Variants in DESI1 observed in about 807,000 individuals in gnomAD.
The protein encoded by DESI1 is desumoylating isopeptidase 1, also known as PPPDE peptidase domain containing 2.
Under a neutral mutation model 22.4 loss-of-function variants are expected in DESI1, and 17 were observed. The observed-to-expected ratio is 0.76, with a 90% CI of 0.52 to 1.14. The LOEUF (loss-of-function observed/expected upper bound fraction) is 1.14. DESI1 is among the 50% of genes most tolerant of loss of function. DESI1 has a pLI of 0.00. For missense variants in DESI1, 177 were observed against 208.9 expected (o/e 0.85, Z 0.94); for synonymous variants, 92 against 84.2 (o/e 1.09, Z -0.51).
At chr22:41,602,548 T>C (rs1471762390) in intron 5 of DESI1, 13 of 985,364 alleles carry the variant, frequency 1.3e-5, no homozygotes, top group Non-Finnish European at 1.6e-5. Context: ...AATAAGGCCA[T>C]AGTTCAGGAG....
rs1213241094 is a variant in DESI1, at chr22:41,603,390, T to C, written c.291-9A>G. 5 of 1,614,062 alleles carry C rather than the reference T, an allele frequency of 3.1e-6. No homozygotes were observed. The highest frequency in any genetic ancestry group is 1.3e-5 in the African/African-American group (1 of 74,928). On this transcript the variant is annotated splice_polypyrimidine_tract_variant and intron_variant, in intron 4 of 5. Coordinates refer to ENST00000263256, the MANE Select transcript of DESI1 (RefSeq NM_015704.3). ...GGTTGTAGGCCTCACCTCTGTACAT[T>C]GAAAGGTTTGCAGAACATATATGAG...
intron 1 of DESI1, among the ~76,000 whole-genome samples, chr22:41,615,073 C>T (rs1349144964): frequency 6.8e-6 from 1 of 146,974 alleles, no homozygotes; most frequent in African/African-American, 2.5e-5. Flanking sequence ...CTGAGGCGGG[C>T]GGATCACGAG....
intron 1 of DESI1, among the ~76,000 whole-genome samples, chr22:41,616,280 C>T (rs906953427): frequency 1.3e-5 from 2 of 152,128 alleles, no homozygotes; most frequent in African/African-American, 4.8e-5. Context: ...GAGTTCACGT[C>T]ATATCTTTTA....
chr22:41,602,867 C>T (rs1246791929), intron 5 of DESI1: 5 of 963,820 alleles, frequency 5.2e-6, no homozygotes, highest in South Asian at 5.2e-5. Flanking sequence ...TCAACAGCTA[C>T]AAAACAAGCC....
chr22:41,608,947 CCTTT>C (rs1276357878), intron 1 of DESI1, among the ~76,000 whole-genome samples: 1 of 152,058 alleles, frequency 6.6e-6, no homozygotes, highest in Non-Finnish European at 1.5e-5. Context: ...TTGCCCTGTG[CCTTT>C]CTTTTTTTTA....
Position 41,599,194 on chromosome 22 carries a change from C to CA in DESI1, c.*1902dup, listed in dbSNP as rs1601506057. 1.3e-5 allele frequency: 2 copies of CA among 149,708 alleles called. No individual in the cohort carries two copies. Among genetic ancestry groups the CA allele is most frequent in the East Asian group, 3.9e-4 (2 of 5,108 alleles). 9.3% of individuals were successfully genotyped at this position (149,708 alleles called of 1,614,324 possible). ...AGGCCAGACTTCCAGGAAGAAGCAA[C>CA]ATAATTCAAGTCCGTGAAGTGGCAA... On this transcript the variant is annotated 3_prime_UTR_variant, in exon 6 of 6. Transcript: ENST00000263256.
At chr22:41,619,058 C>T (rs566743644) in intron 1 of DESI1, among the ~76,000 whole-genome samples, 1 of 150,530 alleles carries the variant, frequency 6.6e-6, no homozygotes, top group African/African-American at 2.4e-5. Context: ...AGCGAGACTC[C>T]GTCTCAAAAA....
At position 41,603,242 on chromosome 22, in the gene DESI1, A is replaced by C; in HGVS notation, c.413+17T>G. ...AAGGTTGGCCAAGGCAGGGGCAGGG[A>C]CAGAGGCCACACTTACGTGGAGAGA... is the stretch of plus-strand genomic sequence containing the variant. On this transcript the variant is annotated intron_variant, in intron 5 of 5. Coordinates refer to ENST00000263256, the MANE Select transcript of DESI1 (RefSeq NM_015704.3). The C allele has an allele frequency of 6.2e-7, 1 of 1,614,060 alleles. No individual in the cohort carries two copies. The highest frequency in any genetic ancestry group is 8.5e-7 in the Non-Finnish European group (1 of 1,179,972).
chr22:41,620,972 G>C lies in DESI1; in HGVS notation c.-133C>G. 1 of 938,490 alleles carries C rather than the reference G, an allele frequency of 1.1e-6. No homozygotes were observed. The highest frequency in any genetic ancestry group is 2.6e-4 in the Middle Eastern group (1 of 3,902). 58.1% of individuals were successfully genotyped at this position (938,490 alleles called of 1,614,324 possible). On this transcript the variant is annotated 5_prime_UTR_variant, in exon 1 of 6. Coordinates refer to ENST00000263256, the MANE Select transcript of DESI1 (RefSeq NM_015704.3). Reference sequence around the variant, plus strand: ...GCCCGGGCCCGGGCTGAGGGGTGGGGGAGAGGCCGCCCTGCGCTGCTCGCG... The same window carrying C: ...GCCCGGGCCCGGGCTGAGGGGTGGGCGAGAGGCCGCCCTGCGCTGCTCGCG...
intron 3 of DESI1, 53 bp downstream of exon 3, chr22:41,607,209 G>C: frequency 6.7e-7 from 1 of 1,490,556 alleles, no homozygotes; most frequent in South Asian, 1.3e-5. Flanking sequence ...CTGGTCTACA[G>C]GAGCCCCCAG....
intron 1 of DESI1, among the ~76,000 whole-genome samples, chr22:41,618,548 C>T (rs1178970787): frequency 2.6e-5 from 4 of 152,116 alleles, no homozygotes; most frequent in African/African-American, 4.8e-5. Context: ...TACCTTAACA[C>T]GTTGACTAGC....
intron 1 of DESI1, among the ~76,000 whole-genome samples, chr22:41,617,356 C>T (rs1348082000): frequency 6.6e-5 from 10 of 151,950 alleles, no homozygotes; most frequent in Admixed American, 3.9e-4. Context: ...TTATAATGCA[C>T]GCAAAGTACT....
In DESI1 at chr22:41,620,846, C is replaced by T. The variant is rs752117830; in HGVS notation, c.-7G>A. 15 of 1,604,248 alleles carry T rather than the reference C, an allele frequency of 9.4e-6. No individual in the cohort carries two copies. In the African/African-American group the frequency reaches 2.0e-4, roughly 21 times the overall value. ...AGAGATTCGGCGGCTCCATTGGGAC[C>T]CGTGGCGACGGCGGCCACGACGGCC... On this transcript the variant is annotated 5_prime_UTR_variant, in exon 1 of 6. Transcript: ENST00000263256.
At chr22:41,604,228 G>A in intron 3 of DESI1, 75 bp from the exon 4 acceptor site, 1 of 854,890 alleles carries the variant, frequency 1.2e-6, no homozygotes, top group South Asian at 1.5e-5. Context: ...TCCCACAGTA[G>A]ACCACAAACA....
Position 41,620,987 on chromosome 22 carries a change from C to A in DESI1, c.-148G>T. On this transcript the variant is annotated 5_prime_UTR_variant, in exon 1 of 6. Transcript: ENST00000263256. ...GAGGGGTGGGGGAGAGGCCGCCCTGCGCTGCTCGCGCCCCCACACCCGCTA... is the reference window on the plus strand; with the variant it reads ...GAGGGGTGGGGGAGAGGCCGCCCTGAGCTGCTCGCGCCCCCACACCCGCTA... 2 of 794,656 alleles carry A rather than the reference C, an allele frequency of 2.5e-6. No homozygotes were observed. The highest frequency in any genetic ancestry group is 1.8e-5 in the South Asian group (1 of 54,094). 49.2% of individuals were successfully genotyped at this position (794,656 alleles called of 1,614,324 possible).
chr22:41,601,071 A>G lies in DESI1; in HGVS notation c.*26T>C. 6.3e-7 allele frequency: 1 copy of G among 1,586,208 alleles called. No individual in the cohort carries two copies. Among genetic ancestry groups the G allele is most frequent in the Non-Finnish European group, 8.6e-7 (1 of 1,156,534 alleles). ...TGTTTAAAAAGGAAAAGCCCTGGTGAGGCAGGGCGGTCCCAGGCAGTCCTG... is the reference window on the plus strand; with the variant it reads ...TGTTTAAAAAGGAAAAGCCCTGGTGGGGCAGGGCGGTCCCAGGCAGTCCTG... On this transcript the variant is annotated 3_prime_UTR_variant, in exon 6 of 6. Transcript: ENST00000263256.
intron 1 of DESI1, among the ~76,000 whole-genome samples, chr22:41,619,238 G>A (rs1421888305): frequency 2.0e-5 from 3 of 152,176 alleles, no homozygotes; most frequent in Non-Finnish European, 4.4e-5. Context: ...AGAATTAGCT[G>A]ATAAGCTCAT....
intron 1 of DESI1, among the ~76,000 whole-genome samples, chr22:41,611,825 T>G (rs372166526): frequency 6.6e-6 from 1 of 152,098 alleles, no homozygotes; most frequent in African/African-American, 2.4e-5. Context: ...ACTCCTGACC[T>G]CGTGATCCGC....
intron 1 of DESI1, among the ~76,000 whole-genome samples, chr22:41,613,865 G>T (rs1202055442): frequency 2.0e-5 from 3 of 152,108 alleles, no homozygotes; most frequent in Non-Finnish European, 2.9e-5. Context: ...CTCAAAAGTT[G>T]CAGGATACAA....
Sources: gnomAD v4.1 joint callset for allele counts (sites outside exome capture counted in the v4.1 genomes callset) on GRCh38, gnomAD v4.1.1 for gene constraint, MANE v1.5 for transcripts, NCBI Gene and HGNC (gene_info 2026-07-23, HGNC 2026-07-21) for gene names.